GRM7: variants seen among roughly 807,000 people sequenced by gnomAD.
GRM7 encodes glutamate metabotropic receptor 7.
Under a neutral mutation model 84.5 loss-of-function variants are expected in GRM7, and 35 were observed. The observed-to-expected ratio is 0.41, with a 90% CI of 0.32 to 0.55. The LOEUF (loss-of-function observed/expected upper bound fraction) is 0.55, where lower values mean the gene tolerates loss of function less well. Ranked by LOEUF, GRM7 falls within the 20% of genes least tolerant of loss-of-function variation. GRM7 has a pLI of 0.19. For missense variants in GRM7, 1,003 were observed against 1,194.6 expected, an observed-to-expected ratio of 0.84 and a Z score of 2.36; for synonymous variants, 487 against 455.1, an observed-to-expected ratio of 1.07 and a Z score of -0.89.
rs9830470 is a variant in GRM7 at position 7,666,396 on chromosome 3, A to G, written c.2452-13653A>G. On this transcript the variant is annotated intron_variant, in intron 8 of 9. Coordinates refer to ENST00000357716, the MANE Select transcript of GRM7 (RefSeq NM_000844.4). ...AAAATTCAAAACATAGCCAGGCCAGATACTATAGGGCCATGGGAAGTCTTT... is the reference window on the plus strand; with the variant it reads ...AAAATTCAAAACATAGCCAGGCCAGGTACTATAGGGCCATGGGAAGTCTTT... Among the ~76,000 whole-genome samples the G allele has an allele frequency of 4.7e-3, 720 of 152,332 alleles. 4 individuals carry two copies. The highest frequency in any genetic ancestry group is 0.017 in the Middle Eastern group (5 of 294).
At chr3:6,882,913 G>A (rs145097105) in intron 1 of GRM7, among the ~76,000 whole-genome samples, 9 of 152,250 alleles carry the variant, frequency 5.9e-5, no homozygotes, top group Non-Finnish European at 1.0e-4. Context: ...ATGTCTTCCT[G>A]CATTTATTCA....
Position 6,960,831 on chromosome 3 carries a change from G to A in GRM7, c.519+98924G>A, listed in dbSNP as rs536115440. On this transcript the variant is annotated intron_variant, in intron 1 of 9. Transcript: ENST00000357716. ...CTATGGTGGGGCCTGGGGGTTGGATGTCATTCTCTTTCTCTCTTATTGCTG... is the reference window on the plus strand; with the variant it reads ...CTATGGTGGGGCCTGGGGGTTGGATATCATTCTCTTTCTCTCTTATTGCTG... 3.3e-5 allele frequency among the ~76,000 whole-genome samples: 5 copies of A among 152,206 alleles called. No homozygotes were observed. The East Asian group carries it at 7.7e-4, about 24-fold the overall frequency.
intron 4 of GRM7, among the ~76,000 whole-genome samples, chr3:7,331,779 A>C (rs114814597): frequency 6.6e-6 from 1 of 152,158 alleles, no homozygotes; most frequent in Non-Finnish European, 1.5e-5. Context: ...ATTTCCCCCT[A>C]GGTAAACAGC....
intron 7 of GRM7, among the ~76,000 whole-genome samples, chr3:7,562,636 G>C (rs952467804): frequency 6.6e-6 from 1 of 152,010 alleles, no homozygotes; most frequent in African/African-American, 2.4e-5. Context: ...CAACATCACT[G>C]TTTTCTACAG....
Position 7,240,621 on chromosome 3 carries a change from T to C in GRM7, c.737-58063T>C, listed in dbSNP as rs551869809. 5.5e-4 allele frequency among the ~76,000 whole-genome samples: 84 copies of C among 152,284 alleles called. 1 individual carries two copies. The highest frequency in any genetic ancestry group is 2.3e-3 in the Admixed American group (35 of 15,300). Reference sequence around the variant, plus strand: ...TCATCTCCCATTTTTAATACAGATATAGGATTTAAAAGTCTGTTTCTTTTT... The same window carrying C: ...TCATCTCCCATTTTTAATACAGATACAGGATTTAAAAGTCTGTTTCTTTTT... On this transcript the variant is annotated intron_variant, in intron 2 of 9. Coordinates refer to ENST00000357716, the MANE Select transcript of GRM7 (RefSeq NM_000844.4).
intron 1 of GRM7, among the ~76,000 whole-genome samples, chr3:6,894,898 A>G (rs1696118806): frequency 6.6e-6 from 1 of 152,164 alleles, no homozygotes; most frequent in African/African-American, 2.4e-5. Flanking sequence ...TAGGAGATGG[A>G]AAGGTATCTC....
chr3:7,522,125 T>C (rs924479431), intron 7 of GRM7, among the ~76,000 whole-genome samples: 11 of 152,182 alleles, frequency 7.2e-5, no homozygotes, highest in Non-Finnish European at 1.6e-4. Context: ...TCTGAAATCT[T>C]TGTCTAACCT....
intron 1 of GRM7, among the ~76,000 whole-genome samples, chr3:7,064,479 TACAC>T (rs372086997): frequency 6.0e-4 from 59 of 99,124 alleles, no homozygotes; most frequent in African/African-American, 1.2e-3. Flanking sequence ...TATATATATA[TACAC>T]ACATATACAT....
At chr3:7,670,589 G>T (rs1446905657) in intron 8 of GRM7, among the ~76,000 whole-genome samples, 2 of 152,144 alleles carry the variant, frequency 1.3e-5, no homozygotes, top group Non-Finnish European at 2.9e-5. Flanking sequence ...TTTGACATCA[G>T]TGTTTTCCAC....
intron 8 of GRM7, among the ~76,000 whole-genome samples, chr3:7,583,451 A>T (rs1695362179): frequency 6.6e-6 from 1 of 152,144 alleles, no homozygotes; most frequent in South Asian, 2.1e-4. Context: ...CTTCCTCTGT[A>T]CTCTGGTATA....
At chr3:7,293,784 C>T (rs1699721067) in intron 2 of GRM7, among the ~76,000 whole-genome samples, 1 of 152,152 alleles carries the variant, frequency 6.6e-6, no homozygotes, top group Non-Finnish European at 1.5e-5. Flanking sequence ...ATTATTGTCT[C>T]ACAGTGACAC....
chr3:7,282,829 C>T (rs1026026946), intron 2 of GRM7, among the ~76,000 whole-genome samples: 19 of 152,062 alleles, frequency 1.2e-4, no homozygotes, highest in Admixed American at 6.5e-5. Flanking sequence ...GATTGCAGTA[C>T]CCTTTTATTA....
intron 3 of GRM7, among the ~76,000 whole-genome samples, chr3:7,299,605 G>T (rs1010372903): frequency 3.3e-5 from 5 of 152,112 alleles, no homozygotes; most frequent in African/African-American, 9.7e-5. Flanking sequence ...GTATATCCTT[G>T]TGGAGATATT....
intron 7 of GRM7, among the ~76,000 whole-genome samples, chr3:7,462,800 C>G (rs1188767280): frequency 6.6e-6 from 1 of 152,046 alleles, no homozygotes; most frequent in Non-Finnish European, 1.5e-5. Flanking sequence ...CATGAACTGG[C>G]ACTAAAATTG....
intron 1 of GRM7, among the ~76,000 whole-genome samples, chr3:6,993,494 C>T (rs1379775942): frequency 6.6e-6 from 1 of 152,148 alleles, no homozygotes; most frequent in Non-Finnish European, 1.5e-5. Context: ...GGTGTGCGTC[C>T]AGTAAGTGGT....
At chr3:7,702,040 G>T (rs1341905437) in intron 9 of GRM7, among the ~76,000 whole-genome samples, 2 of 152,180 alleles carry the variant, frequency 1.3e-5, no homozygotes, top group Admixed American at 6.5e-5. Flanking sequence ...AGGGAGCAGG[G>T]AAGGAAGTAA....
intron 4 of GRM7, among the ~76,000 whole-genome samples, chr3:7,356,334 C>T (rs1398592229): frequency 6.6e-6 from 1 of 151,428 alleles, no homozygotes; most frequent in Non-Finnish European, 1.5e-5. Flanking sequence ...CAGAGTCTCA[C>T]TCTGTCGCCC....
At chr3:7,447,926 A>T (rs1697592433) in intron 5 of GRM7, among the ~76,000 whole-genome samples, 1 of 106,138 alleles carries the variant, frequency 9.4e-6, no homozygotes, top group African/African-American at 3.7e-5. Flanking sequence ...CAGTCCCCGG[A>T]ATGTGATGTT....
rs35042061 is a variant in GRM7 at position 7,682,539 on chromosome 3, TACAC to T, written c.2698+2274_2698+2277del. ...TATTCCAATAACAGCTTTATTTTTG[TACAC>T]ACACACACACACACACACACACACA... On this transcript the variant is annotated intron_variant, in intron 9 of 9. Coordinates refer to ENST00000357716, the MANE Select transcript of GRM7 (RefSeq NM_000844.4). 2.4e-3 allele frequency among the ~76,000 whole-genome samples: 279 copies of T among 117,862 alleles called. 5 individuals are homozygous for T. The highest frequency in any genetic ancestry group is 6.6e-3 in the South Asian group (23 of 3,496). The allele number at this position is 117,862 out of a possible 152,430, so 77.3% of individuals were successfully genotyped here. A position where few individuals can be genotyped will look rare whatever the true frequency, so the allele number is the denominator to read the frequency against.
Sources: allele counts gnomAD v4.1 joint callset (sites outside exome capture counted in the v4.1 genomes callset), GRCh38; gene constraint gnomAD v4.1.1; transcripts MANE v1.5; gene names NCBI Gene and HGNC (gene_info 2026-07-23, HGNC 2026-07-21).